The following SYTL3 variants were observed in gnomAD, a reference collection of about 807,000 sequenced individuals.
SYTL3 encodes the protein synaptotagmin-like protein 3.
Under a neutral mutation model 82.1 loss-of-function variants are expected in SYTL3, and 88 were observed. The observed-to-expected ratio is 1.07, with a 90% confidence interval of 0.90 to 1.28. The LOEUF is 1.28. SYTL3 is among the 50% of genes most tolerant of loss of function. SYTL3 has a pLI of 0.00. For synonymous variants in SYTL3, 311 were observed against 289.4 expected, an observed-to-expected ratio of 1.07 and a Z score of -0.76; for missense variants, 831 against 757.6, an observed-to-expected ratio of 1.10 and a Z score of -1.14.
At chr6:158,722,452 C>G (rs1784225704) in intron 10 of SYTL3, among the ~76,000 whole-genome samples, 2 of 152,092 alleles carry the variant, frequency 1.3e-5, no homozygotes, top group Admixed American at 1.3e-4. Flanking sequence ...ACTGAGAAAA[C>G]AGCTCAGGAT....
Position 158,720,137 on chromosome 6 carries a change from C to T in SYTL3, c.720+1926C>T, listed in dbSNP as rs539268837. 5.9e-5 allele frequency among the ~76,000 whole-genome samples: 9 copies of T among 152,018 alleles called. No individual in the cohort carries two copies. In the East Asian group the frequency reaches 1.2e-3, roughly 20 times the overall value. On this transcript the variant is annotated intron_variant, in intron 10 of 17. Transcript: ENST00000611299. ...TAAAAATTGGCCGGGCACCATGGCT[C>T]ATGCCTGTAATCCCAGCACTCTGGG...
intron 16 of SYTL3, among the ~76,000 whole-genome samples, chr6:158,762,666 C>T (rs887893111): frequency 6.6e-6 from 1 of 152,148 alleles, no homozygotes; most frequent in Non-Finnish European, 1.5e-5. Flanking sequence ...CCTGTAATCC[C>T]AGCACTTTGG....
At chr6:158,685,096 T>C (rs1415427840) in intron 6 of SYTL3, among the ~76,000 whole-genome samples, 2 of 152,144 alleles carry the variant, frequency 1.3e-5, no homozygotes, top group Admixed American at 1.3e-4. Context: ...TAAGATTTGC[T>C]ACCAATCTTT....
chr6:158,747,375 A>G (rs2128518388), intron 12 of SYTL3, among the ~76,000 whole-genome samples: 1 of 152,164 alleles, frequency 6.6e-6, no homozygotes, highest in South Asian at 2.1e-4. Flanking sequence ...TTTTTTTTTA[A>G]GAGACAGGGT....
At chr6:158,700,886 G>T (rs1781139794) in intron 6 of SYTL3, among the ~76,000 whole-genome samples, 1 of 152,200 alleles carries the variant, frequency 6.6e-6, no homozygotes, top group South Asian at 2.1e-4. Context: ...AAGGTGCTGG[G>T]ATTACAGGCA....
At position 158,731,783 on chromosome 6, in the gene SYTL3, C is replaced by T. The variant is rs964468286; in HGVS notation, c.855+6146C>T. ...TAATTTTTTGTATTTTTAGTAGAGACGGGGTTTCACCGTGTTAGCCAGGAT... is the reference window on the plus strand; with the variant it reads ...TAATTTTTTGTATTTTTAGTAGAGATGGGGTTTCACCGTGTTAGCCAGGAT... On this transcript the variant is annotated intron_variant, in intron 11 of 17. Transcript: ENST00000611299. Among the ~76,000 whole-genome samples, 40 of 152,194 alleles carry T rather than the reference C, an allele frequency of 2.6e-4. No individual in the cohort carries two copies. The East Asian group carries it at 2.9e-3, about 11-fold the overall frequency.
rs376053598 is a variant in SYTL3, at chr6:158,670,871, C to T, written c.329+5258C>T. ...AGGCTGGAGTGCAGTGGCATGATCT[C>T]GGCTCACTGCAAGCTCCGCCTCCTG... On this transcript the variant is annotated intron_variant, in intron 5 of 17. Transcript: ENST00000611299. 9.2e-5 allele frequency among the ~76,000 whole-genome samples: 14 copies of T among 151,362 alleles called. 1 individual carries two copies. The highest frequency in any genetic ancestry group is 2.9e-4 in the African/African-American group (12 of 41,294).
intron 8 of SYTL3, among the ~76,000 whole-genome samples, chr6:158,712,516 G>GTAAT (rs1782868904): frequency 6.6e-6 from 1 of 152,154 alleles, no homozygotes; most frequent in African/African-American, 2.4e-5. Context: ...CAGTAACAAA[G>GTAAT]TAATAGGTCC....
chr6:158,760,537 C>A, intron 14 of SYTL3, 103 bp from the exon 15 acceptor site: 1 of 965,496 alleles, frequency 1.0e-6, no homozygotes, highest in Non-Finnish European at 1.7e-6. Context: ...CTTGCAGGGG[C>A]CAGGGGGAAG....
At chr6:158,700,777 C>A (rs545571199) in intron 6 of SYTL3, among the ~76,000 whole-genome samples, 1 of 152,094 alleles carries the variant, frequency 6.6e-6, no homozygotes, top group Admixed American at 6.6e-5. Flanking sequence ...CCACCACGGC[C>A]GGCTAATTTT....
intron 2 of SYTL3, among the ~76,000 whole-genome samples, chr6:158,659,282 G>GAA (rs1486004424): frequency 6.6e-6 from 1 of 152,232 alleles, no homozygotes; most frequent in Non-Finnish European, 1.5e-5. Context: ...TAGTGATACA[G>GAA]AAAGTACAGT....
Position 158,701,238 on chromosome 6 carries a change from G to A in SYTL3, c.395-5992G>A, listed in dbSNP as rs1459256771. On this transcript the variant is annotated intron_variant, in intron 6 of 17. Coordinates refer to ENST00000611299, the MANE Select transcript of SYTL3 (RefSeq NM_001242394.2). The stretch of plus-strand genomic sequence containing the variant: ...TGTAGATGAAGGAGTGTGAGCTGGG[G>A]TGTAGATGAAGGAGTGTGAGCTGGG... Among the ~76,000 whole-genome samples, 2 of 39,174 alleles carry A rather than the reference G, an allele frequency of 5.1e-5. 1 individual carries two copies. The highest frequency in any genetic ancestry group is 5.1e-4 in the African/African-American group (2 of 3,896). 25.7% of individuals were successfully genotyped at this position (39,174 alleles called of 152,430 possible).
chr6:158,702,083 C>T (rs1781371243), intron 6 of SYTL3, among the ~76,000 whole-genome samples: 1 of 151,940 alleles, frequency 6.6e-6, no homozygotes, highest in Non-Finnish European at 1.5e-5. Flanking sequence ...AGCTATCCTC[C>T]CACCTCAGCC....
intron 16 of SYTL3, 125 bp from the exon 17 acceptor site, chr6:158,763,179 G>T: frequency 1.2e-6 from 1 of 861,888 alleles, no homozygotes; most frequent in East Asian, 2.6e-5. Flanking sequence ...TGCTTCACTG[G>T]GGAGGGTGTG....
chr6:158,664,584 T>G (rs1321539550), intron 4 of SYTL3, among the ~76,000 whole-genome samples: 1 of 152,132 alleles, frequency 6.6e-6, no homozygotes, highest in African/African-American at 2.4e-5. Flanking sequence ...TATAATACAG[T>G]GAGAAAAGTG....
intron 8 of SYTL3, among the ~76,000 whole-genome samples, chr6:158,712,789 C>T (rs868048650): frequency 6.7e-4 from 97 of 144,628 alleles, no homozygotes; most frequent in African/African-American, 2.1e-3. Context: ...GACAGAGTCT[C>T]GCTCTATTGC....
intron 5 of SYTL3, among the ~76,000 whole-genome samples, chr6:158,675,342 A>G (rs1397360269): frequency 2.6e-5 from 4 of 152,182 alleles, no homozygotes; most frequent in Admixed American, 6.5e-5. Flanking sequence ...TAACAGCTTG[A>G]TAAAAACCCT....
chr6:158,734,123 C>G (rs948802538), intron 11 of SYTL3, among the ~76,000 whole-genome samples: 4 of 145,476 alleles, frequency 2.7e-5, no homozygotes, highest in Non-Finnish European at 6.0e-5. Context: ...AAAAGAAGCA[C>G]CCTTTCTGCA....
chr6:158,756,718 A>ATTTT (rs1554266255), intron 13 of SYTL3, among the ~76,000 whole-genome samples: 21 of 47,384 alleles, frequency 4.4e-4, no homozygotes, highest in African/African-American at 1.1e-3. Flanking sequence ...CTCAAAAAAA[A>ATTTT]ATTTTTTTTT....
Sources: gnomAD v4.1 joint callset for allele counts (sites outside exome capture counted in the v4.1 genomes callset) on GRCh38, gnomAD v4.1.1 for gene constraint, MANE v1.5 for transcripts, NCBI Gene and HGNC (gene_info 2026-07-23, HGNC 2026-07-21) for gene names.